The following UNC5D variants were observed in gnomAD, a reference collection of about 807,000 sequenced individuals.
The protein encoded by UNC5D is netrin receptor UNC5D.
Under a neutral mutation model 105.4 loss-of-function variants are expected in UNC5D, and 39 were observed. The ratio of observed to expected loss-of-function variants is 0.37; its 90% CI spans 0.29 to 0.48. UNC5D has a LOEUF of 0.48. UNC5D is among the 20% of genes least tolerant of loss of function. The pLI is 0.98. For missense variants in UNC5D, 991 were observed against 1,202.4 expected (o/e 0.82, Z 2.60); for synonymous variants, 452 against 450.4 (o/e 1.00, Z -0.04).
chr8:35,556,596 A>G (rs1237070296), intron 2 of UNC5D, among the ~76,000 whole-genome samples: 1 of 152,240 alleles, frequency 6.6e-6, no homozygotes, highest in Non-Finnish European at 1.5e-5. Flanking sequence ...GGAGGAACAC[A>G]TCCACTGTAG....
chr8:35,663,419 T>C (rs1437069710), intron 4 of UNC5D, among the ~76,000 whole-genome samples: 1 of 152,214 alleles, frequency 6.6e-6, no homozygotes, highest in Non-Finnish European at 1.5e-5. Flanking sequence ...ACACCATTGA[T>C]TGCAATAGCA....
At chr8:35,621,253 G>A (rs928147528) in intron 4 of UNC5D, among the ~76,000 whole-genome samples, 2 of 152,222 alleles carry the variant, frequency 1.3e-5, no homozygotes, top group Middle Eastern at 3.4e-3. Flanking sequence ...TTTGAATTGA[G>A]TCCAGCATCA....
intron 2 of UNC5D, among the ~76,000 whole-genome samples, chr8:35,558,703 C>T (rs780650044): frequency 4.6e-5 from 7 of 152,080 alleles, no homozygotes; most frequent in Non-Finnish European, 5.9e-5. Context: ...GCTTTTCAGG[C>T]CGGGCGCAGT....
intron 11 of UNC5D, among the ~76,000 whole-genome samples, chr8:35,735,493 T>C (rs1400459669): frequency 6.6e-6 from 1 of 152,226 alleles, no homozygotes; most frequent in Non-Finnish European, 1.5e-5. Context: ...TTTCAACCAC[T>C]TCTGTTAGAT....
At chr8:35,649,873 A>G (rs1474029283) in intron 4 of UNC5D, among the ~76,000 whole-genome samples, 3 of 152,176 alleles carry the variant, frequency 2.0e-5, no homozygotes, top group African/African-American at 7.2e-5. Context: ...GAGCCTGGAG[A>G]AACCCGATGA....
intron 1 of UNC5D, among the ~76,000 whole-genome samples, chr8:35,463,591 T>C (rs566727713): frequency 1.8e-4 from 28 of 151,628 alleles, no homozygotes; most frequent in African/African-American, 6.8e-4. Flanking sequence ...AAAGACATTT[T>C]TGAACAAAGC....
At chr8:35,327,130 G>A (rs1005934792) in intron 1 of UNC5D, among the ~76,000 whole-genome samples, 2 of 152,178 alleles carry the variant, frequency 1.3e-5, no homozygotes, top group Non-Finnish European at 2.9e-5. Context: ...AAGATGAACA[G>A]CAGGAATCTC....
At chr8:35,299,027 T>C (rs1221878115) in intron 1 of UNC5D, among the ~76,000 whole-genome samples, 1 of 152,200 alleles carries the variant, frequency 6.6e-6, no homozygotes, top group Non-Finnish European at 1.5e-5. Context: ...TAAACACTTG[T>C]GCAAGGGAGT....
chr8:35,516,052 C>CT (rs370202270), intron 1 of UNC5D, among the ~76,000 whole-genome samples: 20 of 152,018 alleles, frequency 1.3e-4, no homozygotes, highest in Admixed American at 4.6e-4. Context: ...AATTCCTATG[C>CT]TTTTTTTTAT....
chr8:35,641,649 A>T (rs1049092803), intron 4 of UNC5D, among the ~76,000 whole-genome samples: 2 of 152,124 alleles, frequency 1.3e-5, no homozygotes, highest in East Asian at 3.9e-4. Context: ...ATTCTGTATC[A>T]TCTCATGGAT....
At chr8:35,447,901 G>T (rs1037921484) in intron 1 of UNC5D, among the ~76,000 whole-genome samples, 4 of 151,998 alleles carry the variant, frequency 2.6e-5, no homozygotes, top group African/African-American at 9.7e-5. Context: ...ACTTCTGAAG[G>T]TATGGAAATC....
In UNC5D at chr8:35,264,316, G is replaced by T. The variant is rs530679758; in HGVS notation, c.103+28429G>T. ...GGGATTTGCAATACAGTCTATTGGG[G>T]TGCAGGAGCAAAACGCCTTTTCATG... On this transcript the variant is annotated intron_variant, in intron 1 of 16. Transcript: ENST00000404895. 1.1e-4 allele frequency among the ~76,000 whole-genome samples: 16 copies of T among 152,272 alleles called. No individual in the cohort carries two copies. In the East Asian group the frequency reaches 3.1e-3, roughly 29 times the overall value.
At chr8:35,293,758 A>C (rs1227956949) in intron 1 of UNC5D, among the ~76,000 whole-genome samples, 1 of 152,168 alleles carries the variant, frequency 6.6e-6, no homozygotes, top group Non-Finnish European at 1.5e-5. Flanking sequence ...TGGCATCTTC[A>C]ATATTGTAAT....
intron 7 of UNC5D, among the ~76,000 whole-genome samples, chr8:35,692,677 A>T (rs1202627551): frequency 1.3e-5 from 2 of 152,220 alleles, no homozygotes; most frequent in Non-Finnish European, 2.9e-5. Context: ...ACACTGCACA[A>T]TTGCTTAATG....
intron 2 of UNC5D, among the ~76,000 whole-genome samples, chr8:35,549,788 A>T (rs1407192275): frequency 6.6e-6 from 1 of 152,200 alleles, no homozygotes; most frequent in Non-Finnish European, 1.5e-5. Context: ...CTGGAAATAA[A>T]CCAGGGAGTC....
At chr8:35,302,022 C>T (rs181074972) in intron 1 of UNC5D, among the ~76,000 whole-genome samples, 8 of 151,968 alleles carry the variant, frequency 5.3e-5, no homozygotes, top group Non-Finnish European at 1.0e-4. Context: ...TTGGCAATGG[C>T]GAGGCCATGA....
intron 1 of UNC5D, among the ~76,000 whole-genome samples, chr8:35,450,542 A>G (rs1206047189): frequency 6.6e-6 from 1 of 152,174 alleles, no homozygotes; most frequent in Non-Finnish European, 1.5e-5. Flanking sequence ...TCTATGACAC[A>G]GGTATTATCG....
chr8:35,638,630 T>TAA (rs549771490), intron 4 of UNC5D, among the ~76,000 whole-genome samples: 21 of 149,676 alleles, frequency 1.4e-4, no homozygotes, highest in South Asian at 6.3e-4. Context: ...CTCATCTCTA[T>TAA]AAAAAAAAAT....
At chr8:35,724,620 G>A (rs1828762355) in intron 9 of UNC5D, among the ~76,000 whole-genome samples, 1 of 152,168 alleles carries the variant, frequency 6.6e-6, no homozygotes, top group Admixed American at 6.5e-5. Flanking sequence ...CTCAAGTGCT[G>A]TCTCACTCTA....
Sources: allele counts gnomAD v4.1 joint callset (sites outside exome capture counted in the v4.1 genomes callset), GRCh38; gene constraint gnomAD v4.1.1; transcripts MANE v1.5; gene names NCBI Gene and HGNC (gene_info 2026-07-23, HGNC 2026-07-21).